Variants in RAB20 observed in about 807,000 individuals in gnomAD.
The protein encoded by RAB20 is ras-related protein Rab-20.
Under a neutral mutation model 3.7 loss-of-function variants are expected in RAB20, and 2 were observed. That is an observed-to-expected ratio of 0.54 (90% CI 0.22 to 1.69). The LOEUF (loss-of-function observed/expected upper bound fraction) is 1.69, where lower values mean the gene tolerates loss of function less well. Ranked by LOEUF, RAB20 falls within the 40% of genes most tolerant of loss-of-function variation. The pLI is 0.19. For missense variants in RAB20, 276 were observed against 311.9 expected, an observed-to-expected ratio of 0.88 and a Z score of 0.87; for synonymous variants, 126 against 130.8, an observed-to-expected ratio of 0.96 and a Z score of 0.25.
intron 1 of RAB20, among the ~76,000 whole-genome samples, chr13:110,536,721 T>TTGGGCGGGGGGGG (rs1164445964): frequency 1.3e-4 from 1 of 7,456 alleles, no homozygotes. Context: ...GGCTTTTTTT[T>TTGGGCGGGGGGGG]GGGGCGGTGG....
chr13:110,551,986 A>G (rs1263754662), intron 1 of RAB20, among the ~76,000 whole-genome samples: 4 of 151,052 alleles, frequency 2.6e-5, no homozygotes, highest in African/African-American at 9.7e-5. Context: ...GAGAGGTGGG[A>G]GGACTGCTTG....
chr13:110,555,134 C>T lies in RAB20; in HGVS notation c.172+6214G>A, dbSNP rs1336290368. On this transcript the variant is annotated intron_variant, in intron 1 of 1. Transcript: ENST00000267328. This position sits in a 1 kb window ranked among gnomAD's most constrained non-coding sequence, Gnocchi z 4.0. ...CGGGAGTATGGAGCCTGCACAGAGC[C>T]TGGCACGTGGCAGGGACCCACATAC... Among the ~76,000 whole-genome samples, 1 of 152,206 alleles carries T rather than the reference C, an allele frequency of 6.6e-6. No individual in the cohort carries two copies. Among genetic ancestry groups the T allele is most frequent in the East Asian group, 1.9e-4 (1 of 5,186 alleles).
intron 1 of RAB20, among the ~76,000 whole-genome samples, chr13:110,538,240 A>C (rs1361090941): frequency 4.3e-5 from 3 of 69,720 alleles, no homozygotes; most frequent in Non-Finnish European, 6.2e-5. Flanking sequence ...CCTTGTCTCA[A>C]AAAAAAAAAA....
At chr13:110,549,517 TTCTC>T (rs971433030) in intron 1 of RAB20, among the ~76,000 whole-genome samples, 2 of 152,210 alleles carry the variant, frequency 1.3e-5, no homozygotes, top group African/African-American at 4.8e-5. Flanking sequence ...AACAAAATCT[TTCTC>T]TCTGACCTTC....
chr13:110,524,018 T>G lies in RAB20; in HGVS notation c.352A>C (p.Thr118Pro). The change falls in exon 2 of 2, where the codon ACT becomes CCT. Residue 118 changes from threonine (T) to proline (P), a missense_variant. Thr to Pro is a conservative substitution (Grantham distance 38). Transcript: ENST00000267328. The stretch of plus-strand genomic sequence containing the variant: ...TGGCCCGCCAAGGCCCCCTCCTCAG[T>G]GAGGTCCACTTTGTTCCCCACGATG... The part of the protein sequence containing the change: ...FAIVGNKVDL[T>P]EEGALAGQEK... 2 of 1,614,114 alleles carry G rather than the reference T, an allele frequency of 1.2e-6. No individual in the cohort carries two copies. Among genetic ancestry groups the G allele is most frequent in the Non-Finnish European group, 1.7e-6 (2 of 1,180,026 alleles).
intron 1 of RAB20, among the ~76,000 whole-genome samples, chr13:110,560,434 T>C (rs1594142038): frequency 6.6e-6 from 1 of 152,210 alleles, no homozygotes; most frequent in African/African-American, 2.4e-5. Context: ...GATGGCAATT[T>C]AAGAATTCTG....
intron 1 of RAB20, among the ~76,000 whole-genome samples, chr13:110,539,537 TTTTTTG>T (rs58290883): frequency 0.31 from 43,936 of 142,568 alleles, 7,460 homozygotes; most frequent in African/African-American, 0.45. Flanking sequence ...GCATTTTTTG[TTTTTTG>T]TTTTTGTTTT....
At chr13:110,542,874 T>C (rs1884788745) in intron 1 of RAB20, among the ~76,000 whole-genome samples, 1 of 152,188 alleles carries the variant, frequency 6.6e-6, no homozygotes, top group Non-Finnish European at 1.5e-5. Flanking sequence ...GGAACCATCA[T>C]GTCTTCCACC....
At chr13:110,550,547 G>A (rs767149328) in intron 1 of RAB20, among the ~76,000 whole-genome samples, 21 of 152,196 alleles carry the variant, frequency 1.4e-4, no homozygotes, top group Non-Finnish European at 2.6e-4. Context: ...AGGACACCCA[G>A]CTGGTATCCA....
At chr13:110,557,896 CTG>C (rs1566592902) in intron 1 of RAB20, among the ~76,000 whole-genome samples, 1 of 152,278 alleles carries the variant, frequency 6.6e-6, no homozygotes, top group Non-Finnish European at 1.5e-5. Flanking sequence ...CAGGTCTGTG[CTG>C]GGCACACCAG....
At chr13:110,560,262 C>A (rs965570426) in intron 1 of RAB20, among the ~76,000 whole-genome samples, 1 of 151,892 alleles carries the variant, frequency 6.6e-6, no homozygotes, top group Non-Finnish European at 1.5e-5. Flanking sequence ...AAGATGATTG[C>A]CAATAAATTA....
At chr13:110,552,962 C>T (rs1055323537) in intron 1 of RAB20, among the ~76,000 whole-genome samples, 1 of 152,194 alleles carries the variant, frequency 6.6e-6, no homozygotes, top group African/African-American at 2.4e-5. Context: ...TGCTCGCAAG[C>T]GGCCACTGTG....
chr13:110,541,475 C>T (rs1023777636), intron 1 of RAB20, among the ~76,000 whole-genome samples: 1 of 152,228 alleles, frequency 6.6e-6, no homozygotes, highest in African/African-American at 2.4e-5. Flanking sequence ...ACAACTGCCA[C>T]ATGAAAGCTC....
At position 110,523,543 on chromosome 13, in the gene RAB20, TCTG is replaced by T; in HGVS notation, c.*119_*121del. The T allele has an allele frequency of 6.8e-7, 1 of 1,466,528 alleles. No individual in the cohort carries two copies. Among genetic ancestry groups the T allele is most frequent in the Non-Finnish European group, 9.0e-7 (1 of 1,106,192 alleles). 90.8% of individuals were successfully genotyped at this position (1,466,528 alleles called of 1,614,324 possible). On this transcript the variant is annotated 3_prime_UTR_variant, in exon 2 of 2. Coordinates refer to ENST00000267328, the MANE Select transcript of RAB20 (RefSeq NM_017817.3). ...CCAGCCATCATTTCCACTCCAACAT[TCTG>T]CTGCGGGTGTCATTCTGGAAAATAA... is the stretch of plus-strand genomic sequence containing the variant.
chr13:110,544,846 A>C (rs1884825223), intron 1 of RAB20, among the ~76,000 whole-genome samples: 2 of 152,200 alleles, frequency 1.3e-5, no homozygotes, highest in Admixed American at 6.5e-5. Context: ...TCAAATCTCA[A>C]CTTGAATTGT....
At chr13:110,532,476 A>C (rs563550284) in intron 1 of RAB20, among the ~76,000 whole-genome samples, 1 of 152,120 alleles carries the variant, frequency 6.6e-6, no homozygotes, top group African/African-American at 2.4e-5. Context: ...TCCAGGGTTC[A>C]AGCAATTCTC....
At chr13:110,538,616 AAAG>A (rs552055473) in intron 1 of RAB20, among the ~76,000 whole-genome samples, 44 of 133,974 alleles carry the variant, frequency 3.3e-4, no homozygotes, top group South Asian at 4.5e-4. Flanking sequence ...AAAAAAAAAA[AAAG>A]AAAGAAAAGA....
intron 1 of RAB20, among the ~76,000 whole-genome samples, chr13:110,538,112 G>A (rs7489376): frequency 0.27 from 41,667 of 151,588 alleles, 6,260 homozygotes; most frequent in Non-Finnish European, 0.32. Context: ...GGTGGTGTTC[G>A]CCTATAGGCC....
chr13:110,560,837 T>C, intron 1 of RAB20, among the ~76,000 whole-genome samples: 1 of 152,008 alleles, frequency 6.6e-6, no homozygotes, highest in African/African-American at 2.4e-5. Context: ...AAGGCAGATA[T>C]GCTCCGGGCT....
Sources: gnomAD v4.1 joint callset for allele counts (sites outside exome capture counted in the v4.1 genomes callset) on GRCh38, gnomAD v4.1.1 for gene constraint, Gnocchi (gnomAD v3.1) non-coding constraint, MANE v1.5 for transcripts, NCBI Gene and HGNC (gene_info 2026-07-23, HGNC 2026-07-21) for gene names.